The following C5 variants were observed in gnomAD, a reference collection of about 807,000 sequenced individuals.
C5 encodes complement C5.
A neutral mutation model predicts 218.8 loss-of-function variants in C5; 140 were observed. The ratio of observed to expected loss-of-function variants is 0.64; its 90% CI spans 0.56 to 0.74. The LOEUF (loss-of-function observed/expected upper bound fraction) is 0.74. Ranked by LOEUF, C5 falls within the 30% of genes least tolerant of loss-of-function variation. The pLI is 0.00. For missense variants in C5, 1,700 were observed against 1,969.6 expected, an observed-to-expected ratio of 0.86 and a Z score of 2.59; for synonymous variants, 614 against 682.3, an observed-to-expected ratio of 0.90 and a Z score of 1.56.
rs1268111383 is a variant in C5, at chr9:120,957,359, A to T, written c.4688T>A (p.Val1563Asp). The change falls in exon 39 of 41, where the codon GTT (valine) becomes GAT (aspartate). Residue 1563 changes from valine to aspartate, a missense_variant. Coordinates refer to ENST00000223642, the MANE Select transcript of C5 (RefSeq NM_001735.3). ...TTCTACAGTGATGGATGTGATGCTA[A>T]CTTTATAAGCTGGCAAAAGACAAAC... ...CKPEIAYAYK[V>D]SITSITVENV... 1 of 1,612,124 alleles carries T rather than the reference A, an allele frequency of 6.2e-7. No homozygotes were observed. Among genetic ancestry groups the T allele is most frequent in the Non-Finnish European group, 8.5e-7 (1 of 1,178,488 alleles).
chr9:121,013,740 T>C, intron 17 of C5, 133 bp downstream of exon 17: 1 of 838,284 alleles, frequency 1.2e-6, no homozygotes, highest in Non-Finnish European at 1.9e-6. Context: ...TTTTTTTTTC[T>C]TATGGACATT....
chr9:120,998,789 C>T (rs2047138056), intron 20 of C5, among the ~76,000 whole-genome samples: 1 of 152,110 alleles, frequency 6.6e-6, no homozygotes, highest in Admixed American at 6.6e-5. Context: ...TTTCATCTTC[C>T]CTCCAAATTC....
chr9:121,002,362 C>T (rs1001044254), intron 20 of C5, among the ~76,000 whole-genome samples: 2 of 128,102 alleles, frequency 1.6e-5, no homozygotes, highest in African/African-American at 5.4e-5. Flanking sequence ...CTACACAAGC[C>T]GATTTTATAT....
Position 121,031,147 on chromosome 9 carries a change from C to T in C5, c.668-660G>A, listed in dbSNP as rs568107644. 3.0e-4 allele frequency among the ~76,000 whole-genome samples: 46 copies of T among 151,960 alleles called. 1 individual carries two copies. Among genetic ancestry groups the T allele is most frequent in the South Asian group, 6.2e-4 (3 of 4,814 alleles). ...TATTCTTCTCCATGTCATTATGAAT[C>T]TCTTGAGGGAATAAAAAATGGCTTC... On this transcript the variant is annotated intron_variant, in intron 6 of 40. Coordinates refer to ENST00000223642, the MANE Select transcript of C5 (RefSeq NM_001735.3).
At chr9:121,061,931 T>C in the C5 span, among the ~76,000 whole-genome samples, 3 of 152,384 alleles carry the variant, frequency 2.0e-5, no homozygotes, top group South Asian at 6.2e-4. Flanking sequence ...AAAAAGAAAC[T>C]GTGAATTATC....
chr9:121,043,976 A>G (rs2047603582), intron 2 of C5, among the ~76,000 whole-genome samples: 1 of 152,170 alleles, frequency 6.6e-6, no homozygotes, highest in African/African-American at 2.4e-5. Flanking sequence ...TAATGCATGA[A>G]AAGTGATAAA....
At chr9:120,994,794 C>T (rs1459571418) in intron 22 of C5, among the ~76,000 whole-genome samples, 3 of 151,824 alleles carry the variant, frequency 2.0e-5, no homozygotes, top group Non-Finnish European at 4.4e-5. Context: ...ATTTTCTCTA[C>T]AGAGATTTAT....
rs2046816726 is a variant in C5, at chr9:120,960,235, CTTTTG to C, written c.4678+8_4678+12del. On this transcript the variant is annotated splice_region_variant and intron_variant, in intron 38 of 40. Coordinates refer to ENST00000223642, the MANE Select transcript of C5 (RefSeq NM_001735.3). ...TCATGTTTAAAGGAGCTATATTGAA[CTTTTG>C]AACTCACCATATGCAATCTCTGGTT... 3 of 1,575,114 alleles carry C rather than the reference CTTTTG, an allele frequency of 1.9e-6. No homozygotes were observed. The highest frequency in any genetic ancestry group is 2.6e-6 in the Non-Finnish European group (3 of 1,145,204).
At chr9:121,071,371 A>C in the C5 span, among the ~76,000 whole-genome samples, 1 of 152,044 alleles carries the variant, frequency 6.6e-6, no homozygotes, top group Non-Finnish European at 1.5e-5. Context: ...AAAACAAAAA[A>C]AAATAAATGA....
intron 29 of C5, among the ~76,000 whole-genome samples, chr9:120,975,416 G>A (rs2046946079): frequency 6.6e-6 from 1 of 152,060 alleles, no homozygotes; most frequent in Non-Finnish European, 1.5e-5. Context: ...AGATTTGTGA[G>A]GCAAGTAGGT....
chr9:121,043,953 T>C (rs948633956), intron 2 of C5, among the ~76,000 whole-genome samples: 1 of 152,100 alleles, frequency 6.6e-6, no homozygotes, highest in Non-Finnish European at 1.5e-5. Context: ...TTACATTCAA[T>C]GATATGTAAA....
intron 3 of C5, 81 bp downstream of exon 3, chr9:121,042,923 T>A: frequency 8.8e-7 from 1 of 1,134,746 alleles, no homozygotes; most frequent in South Asian, 1.3e-5. Flanking sequence ...TCCACTCAAT[T>A]TCAGGTATTA....
intron 3 of C5, among the ~76,000 whole-genome samples, chr9:121,040,988 GC>G (rs2047573783): frequency 8.6e-6 from 1 of 116,374 alleles, no homozygotes. Flanking sequence ...TTGCTCTGTT[GC>G]CCAGGCTGGA....
chr9:120,997,752 A>G lies in C5; in HGVS notation c.2585T>C (p.Val862Ala), dbSNP rs770047349. 22 of 1,613,984 alleles carry G rather than the reference A, an allele frequency of 1.4e-5. No individual in the cohort carries two copies. Among genetic ancestry groups the G allele is most frequent in the Non-Finnish European group, 1.8e-5 (21 of 1,180,002 alleles). Residue 862 changes from valine (V) to alanine (A), a missense_variant, in exon 21 of 41, where the codon GTG becomes GCG. By Grantham distance (64) the Val-to-Ala change is moderately conservative. Transcript: ENST00000223642. ...GCTTTCCGAAGTGCAGATTCCCTCC[A>G]CAGCAGACATTTTAACACAGAACTG... ...GMQFCVKMSA[V>A]EGICTSESPV...
intron 18 of C5, among the ~76,000 whole-genome samples, chr9:121,007,616 A>C (rs2047226354): frequency 1.3e-5 from 2 of 152,248 alleles, no homozygotes; most frequent in African/African-American, 4.8e-5. Flanking sequence ...TGGATATAAA[A>C]CAGTAATCTG....
chr9:120,962,946 G>A lies in C5; in HGVS notation c.4345C>T (p.Leu1449=), dbSNP rs371393264. 1 of 1,613,690 alleles carries A rather than the reference G, an allele frequency of 6.2e-7. No individual in the cohort carries two copies. Among genetic ancestry groups the A allele is most frequent in the Non-Finnish European group, 8.5e-7 (1 of 1,179,724 alleles). Reference sequence around the variant, plus strand: ...TCTTTGATTTGGTAATCAGTGAATAGTTGATCCACCCCTTCCACAAGCTAA... The same window carrying A: ...TCTTTGATTTGGTAATCAGTGAATAATTGATCCACCCCTTCCACAAGCTAA... ...LKALVEGVDQ[L]FTDYQIKDGH... Residue 1449 remains leucine, a synonymous_variant, in exon 35 of 41, where the codon CTA becomes TTA. Coordinates refer to ENST00000223642, the MANE Select transcript of C5 (RefSeq NM_001735.3).
intron 9 of C5, 61 bp downstream of exon 9, chr9:121,025,389 TTCTG>T (rs1229586671): frequency 7.7e-6 from 11 of 1,422,240 alleles, no homozygotes; most frequent in African/African-American, 2.9e-5. Context: ...ATCTTTAATA[TTCTG>T]TCTAAATATT....
rs1421856078 is a variant in C5 at position 120,996,263 on chromosome 9, G to A, written c.2828C>T (p.Thr943Ile). 1 of 1,612,054 alleles carries A rather than the reference G, an allele frequency of 6.2e-7. No homozygotes were observed. The highest frequency in any genetic ancestry group is 2.2e-5 in the East Asian group (1 of 44,814). ...GVKRESYSGV[T>I]LDPRGIYGTI... is the part of the protein sequence containing the mutation. Reference sequence around the variant, plus strand: ...ACCATAAATACCCCTAGGATCCAAAGTAACACCAGAATAGCTTTCCCTTTT... The same window carrying A: ...ACCATAAATACCCCTAGGATCCAAAATAACACCAGAATAGCTTTCCCTTTT... Residue 943 changes from threonine (T) to isoleucine (I), a missense_variant, in exon 22 of 41, where the codon ACT (threonine) becomes ATT (isoleucine). By Grantham distance (89) the Thr-to-Ile change is moderately conservative (BLOSUM62 -1). Coordinates refer to ENST00000223642, the MANE Select transcript of C5 (RefSeq NM_001735.3).
intron 12 of C5, among the ~76,000 whole-genome samples, chr9:121,018,738 AAGGAAAGGAAGGAAGG>A (rs540964523): frequency 0.096 from 9,487 of 99,292 alleles, 507 homozygotes; most frequent in Non-Finnish European, 0.12. Flanking sequence ...GGAAGGAAGG[AAGGAAAGGAAGGAAGG>A]AAGGAAGGAA....
Sources: gnomAD v4.1 joint callset for allele counts (sites outside exome capture counted in the v4.1 genomes callset) on GRCh38, gnomAD v4.1.1 for gene constraint, MANE v1.5 for transcripts, NCBI Gene and HGNC (gene_info 2026-07-23, HGNC 2026-07-21) for gene names.